Variants in SFMBT2 observed in about 807,000 individuals in gnomAD.
SFMBT2 encodes scm-like with four MBT domains protein 2.
Under a neutral mutation model 110.1 loss-of-function variants are expected in SFMBT2, and 38 were observed. The ratio of observed to expected loss-of-function variants is 0.35; its 90% CI spans 0.27 to 0.45. The LOEUF is 0.45. Among genes scored for constraint, SFMBT2 ranks in the 20% least tolerant of loss-of-function variants. SFMBT2 has a pLI of 1.00. For synonymous variants in SFMBT2, 425 were observed against 425.4 expected (o/e 1.00, Z 0.01); for missense variants, 1,011 against 1,094.9 (o/e 0.92, Z 1.08).
intron 8 of SFMBT2, among the ~76,000 whole-genome samples, chr10:7,245,278 T>G (rs1840570250): frequency 6.6e-6 from 1 of 152,222 alleles, no homozygotes; most frequent in Admixed American, 6.5e-5. Context: ...ATGGGAACAT[T>G]GTCCAGAATT....
intron 1 of SFMBT2, among the ~76,000 whole-genome samples, chr10:7,403,549 G>A (rs1846136872): frequency 6.6e-6 from 1 of 152,162 alleles, no homozygotes; most frequent in East Asian, 1.9e-4. Flanking sequence ...GGCTGAGGGG[G>A]GAGAATTGCT....
In SFMBT2 at chr10:7,332,084, C is replaced by T. The variant is rs571798275; in HGVS notation, c.436+35565G>A. On this transcript the variant is annotated intron_variant, in intron 4 of 20. Transcript: ENST00000397167. ...TCTTCCAGACCTACAGGTCATCTAC[C>T]GCCGAAGTCATCTGCGGAGTGATGG... Among the ~76,000 whole-genome samples, 20 of 151,934 alleles carry T rather than the reference C, an allele frequency of 1.3e-4. No homozygotes were observed. In the South Asian group the frequency reaches 3.3e-3, roughly 25 times the overall value.
intron 14 of SFMBT2, 111 bp from the exon 15 acceptor site, chr10:7,197,798 G>C (rs1472238059): frequency 5.7e-6 from 8 of 1,403,084 alleles, no homozygotes; most frequent in Non-Finnish European, 7.5e-6. Context: ...ACACAGAGCT[G>C]TCCGAGGTCT....
intron 4 of SFMBT2, among the ~76,000 whole-genome samples, chr10:7,289,301 A>T (rs146960289): frequency 2.0e-5 from 3 of 152,362 alleles, no homozygotes; most frequent in Admixed American, 2.0e-4. Flanking sequence ...CCACTACGGG[A>T]AGAAAGCTCT....
At chr10:7,291,107 A>G (rs945082779) in intron 4 of SFMBT2, among the ~76,000 whole-genome samples, 1 of 152,202 alleles carries the variant, frequency 6.6e-6, no homozygotes, top group African/African-American at 2.4e-5. Flanking sequence ...GAGGACAAGC[A>G]CTGTCAGCCT....
chr10:7,183,092 C>T (rs977678688), intron 16 of SFMBT2, among the ~76,000 whole-genome samples: 2 of 152,060 alleles, frequency 1.3e-5, no homozygotes, highest in Non-Finnish European at 2.9e-5. Flanking sequence ...ATAGAAAACT[C>T]TCTGGCAATA....
intron 4 of SFMBT2, among the ~76,000 whole-genome samples, chr10:7,314,455 A>C (rs1471722086): frequency 6.6e-6 from 1 of 152,252 alleles, no homozygotes; most frequent in Non-Finnish European, 1.5e-5. Flanking sequence ...TACCCGGAAG[A>C]ATGAACAAGC....
At chr10:7,212,409 C>T (rs1839379514) in intron 11 of SFMBT2, among the ~76,000 whole-genome samples, 1 of 152,214 alleles carries the variant, frequency 6.6e-6, no homozygotes, top group Non-Finnish European at 1.5e-5. Context: ...AAACATGGTG[C>T]TTTGTCAGGT....
At chr10:7,328,111 G>C (rs1225440356) in intron 4 of SFMBT2, among the ~76,000 whole-genome samples, 2 of 152,186 alleles carry the variant, frequency 1.3e-5, no homozygotes, top group Admixed American at 6.5e-5. Context: ...GAGTTCCAGT[G>C]CCTCCACATC....
intron 7 of SFMBT2, among the ~76,000 whole-genome samples, chr10:7,275,119 G>A (rs1397647793): frequency 6.6e-6 from 1 of 152,220 alleles, no homozygotes; most frequent in Non-Finnish European, 1.5e-5. Context: ...GGCCCCGGGT[G>A]CCCTGGTCCC....
chr10:7,333,990 G>A (rs540163099), intron 4 of SFMBT2, among the ~76,000 whole-genome samples: 1 of 152,284 alleles, frequency 6.6e-6, no homozygotes, highest in African/African-American at 2.4e-5. Context: ...CAGTTTATCT[G>A]GGGAAACTTC....
intron 5 of SFMBT2, chr10:7,285,130 T>G (rs1479861746): frequency 6.6e-6 from 1 of 152,246 alleles, no homozygotes; most frequent in African/African-American, 2.4e-5. Context: ...CATTAAGTTT[T>G]CCCCTTTTTA....
chr10:7,403,428 A>C (rs574539008), intron 1 of SFMBT2, among the ~76,000 whole-genome samples: 1 of 152,278 alleles, frequency 6.6e-6, no homozygotes, highest in Non-Finnish European at 1.5e-5. Flanking sequence ...GGATCACTTG[A>C]GGTCAGGAGT....
chr10:7,301,117 T>C lies in SFMBT2; in HGVS notation c.437-15163A>G, dbSNP rs570809728. On this transcript the variant is annotated intron_variant, in intron 4 of 20. Coordinates refer to ENST00000397167, the MANE Select transcript of SFMBT2 (RefSeq NM_001387889.1). This position sits in a 1 kb window ranked among gnomAD's most constrained non-coding sequence, Gnocchi z 4.2. ...GGAAGCCCTGGCACCAGGGCCAGGA[T>C]GCTTCCCGATGGAGGCAGTTGAGAA... 6.6e-6 allele frequency among the ~76,000 whole-genome samples: 1 copy of C among 152,214 alleles called. No homozygotes were observed. Among genetic ancestry groups the C allele is most frequent in the South Asian group, 2.1e-4 (1 of 4,816 alleles).
intron 10 of SFMBT2, among the ~76,000 whole-genome samples, chr10:7,220,837 TTG>T (rs1839707030): frequency 6.7e-6 from 1 of 149,436 alleles, no homozygotes; most frequent in Non-Finnish European, 1.5e-5. Flanking sequence ...TTTTTTTTTT[TTG>T]TTTTTGAGAC....
chr10:7,385,235 T>C (rs1175335385), intron 1 of SFMBT2, among the ~76,000 whole-genome samples: 4 of 152,100 alleles, frequency 2.6e-5, no homozygotes. Context: ...CCCTCACCTC[T>C]ACCCCATGTA....
chr10:7,246,149 T>C, intron 8 of SFMBT2: 3 of 984,948 alleles, frequency 3.0e-6, no homozygotes, highest in Non-Finnish European at 3.6e-6. Context: ...AGGAGGGGTG[T>C]ATACGAAACG....
At chr10:7,175,884 C>CA in intron 17 of SFMBT2, 106 bp downstream of exon 17, 1 of 1,063,830 alleles carries the variant, frequency 9.4e-7, no homozygotes, top group Non-Finnish European at 1.4e-6. Context: ...GAAGACTAGT[C>CA]AAAAGGTTCA....
intron 4 of SFMBT2, among the ~76,000 whole-genome samples, chr10:7,363,536 C>A (rs972201592): frequency 6.6e-6 from 1 of 152,070 alleles, no homozygotes; most frequent in Admixed American, 6.5e-5. Flanking sequence ...TTAGTAGAGA[C>A]GGAGTTTCAC....
Sources: allele counts gnomAD v4.1 joint callset (sites outside exome capture counted in the v4.1 genomes callset), GRCh38; gene constraint gnomAD v4.1.1; non-coding constraint Gnocchi (gnomAD v3.1); transcripts MANE v1.5; gene names NCBI Gene and HGNC (gene_info 2026-07-23, HGNC 2026-07-21).